ATL1: variants seen among roughly 807,000 people sequenced by gnomAD.
The protein encoded by ATL1 is atlastin-1.
Under a neutral mutation model 75.5 loss-of-function variants are expected in ATL1, and 31 were observed. The ratio of observed to expected loss-of-function variants is 0.41; its 90% CI spans 0.31 to 0.55. The LOEUF (loss-of-function observed/expected upper bound fraction) is 0.55, where lower values mean the gene tolerates loss of function less well. Among genes scored for constraint, ATL1 ranks in the 20% least tolerant of loss-of-function variants. The pLI is 0.27. For synonymous variants in ATL1, 226 were observed against 233.3 expected (o/e 0.97, Z 0.28); for missense variants, 405 against 662.6 (o/e 0.61, Z 4.27).
At chr14:50,542,541 C>T (rs530036164) in intron 1 of ATL1, 3 of 152,220 alleles carry the variant, frequency 2.0e-5, no homozygotes, top group African/African-American at 7.2e-5. Context: ...AGCAGAATTC[C>T]GTTGTCAAAT....
At chr14:50,627,954 A>T (rs1052060080) in intron 11 of ATL1, 77 bp from the exon 12 acceptor site, 1 of 1,402,216 alleles carries the variant, frequency 7.1e-7, no homozygotes, top group African/African-American at 1.4e-5. Context: ...AAACTCAACT[A>T]GCTAAGTGAA....
chr14:50,623,391 T>G, intron 11 of ATL1, 143 bp downstream of exon 11: 1 of 674,682 alleles, frequency 1.5e-6, no homozygotes, highest in East Asian at 2.8e-5. Context: ...TCACGTCTAT[T>G]TATTATATTC....
chr14:50,590,557 C>G (rs1034226588), intron 2 of ATL1, among the ~76,000 whole-genome samples: 1 of 152,142 alleles, frequency 6.6e-6, no homozygotes, highest in Non-Finnish European at 1.5e-5. Context: ...CTCAAACATC[C>G]TATGTGGTCT....
intron 10 of ATL1, 100 bp downstream of exon 10, chr14:50,621,999 A>C (rs1213975700): frequency 1.2e-6 from 1 of 841,844 alleles, no homozygotes; most frequent in African/African-American, 1.7e-5. Context: ...AGAATAATTT[A>C]TTGGAAGATT....
At chr14:50,565,006 G>C (rs1182917601) in intron 1 of ATL1, among the ~76,000 whole-genome samples, 2 of 151,932 alleles carry the variant, frequency 1.3e-5, no homozygotes, top group African/African-American at 2.4e-5. Flanking sequence ...CTTGGTCTTG[G>C]CTGGACACGG....
intron 1 of ATL1, among the ~76,000 whole-genome samples, chr14:50,553,687 A>C (rs986504765): frequency 8.5e-5 from 13 of 152,212 alleles, no homozygotes; most frequent in Non-Finnish European, 1.2e-4. Flanking sequence ...AATTACAAAG[A>C]TATGGAACCA....
chr14:50,612,094 AATAAT>A (rs1300998885), intron 6 of ATL1, among the ~76,000 whole-genome samples: 1 of 152,192 alleles, frequency 6.6e-6, no homozygotes, highest in Non-Finnish European at 1.5e-5. Context: ...ACAATTATGC[AATAAT>A]ATAATTAATC....
rs77458005 is a variant in ATL1 at position 50,602,484 on chromosome 14, A to G, written c.630+6852A>G. Among the ~76,000 whole-genome samples, 818 of 152,298 alleles carry G rather than the reference A, an allele frequency of 5.4e-3. 2 individuals carry two copies. Among genetic ancestry groups the G allele is most frequent in the Non-Finnish European group, 8.0e-3 (541 of 68,020 alleles). On this transcript the variant is annotated intron_variant, in intron 6 of 13. Transcript: ENST00000358385. ...TTCATGCCTTCTAATTATGTAGGCT[A>G]TGAAGAAATAGAAACATTCCCCATT...
chr14:50,630,651 C>G (rs1053786083), intron 13 of ATL1, among the ~76,000 whole-genome samples: 1 of 152,204 alleles, frequency 6.6e-6, no homozygotes, highest in Non-Finnish European at 1.5e-5. Flanking sequence ...GGAAGCAAAG[C>G]TGATCTTGAA....
chr14:50,565,513 C>G (rs76810329), intron 1 of ATL1, among the ~76,000 whole-genome samples: 1 of 151,346 alleles, frequency 6.6e-6, no homozygotes, highest in Admixed American at 6.6e-5. Context: ...CTGGGTCATA[C>G]ATGTACTGTA....
chr14:50,626,660 G>C (rs1425188284), intron 11 of ATL1, among the ~76,000 whole-genome samples: 1 of 152,174 alleles, frequency 6.6e-6, no homozygotes, highest in Non-Finnish European at 1.5e-5. Flanking sequence ...TATTTTTGGA[G>C]TACATATGAT....
At chr14:50,576,913 A>G (rs1451801361) in intron 1 of ATL1, among the ~76,000 whole-genome samples, 1 of 151,774 alleles carries the variant, frequency 6.6e-6, no homozygotes, top group Non-Finnish European at 1.5e-5. Flanking sequence ...TATTGTGTAT[A>G]TAATATATAG....
chr14:50,582,929 A>G (rs1309335048), intron 1 of ATL1, among the ~76,000 whole-genome samples: 2 of 152,218 alleles, frequency 1.3e-5, no homozygotes, highest in Non-Finnish European at 2.9e-5. Context: ...TATTTGCTAC[A>G]CTGATATGTT....
At chr14:50,596,312 A>G (rs1374194246) in intron 6 of ATL1, among the ~76,000 whole-genome samples, 1 of 152,176 alleles carries the variant, frequency 6.6e-6, no homozygotes, top group Non-Finnish European at 1.5e-5. Flanking sequence ...CTCTTAAAAA[A>G]AAAAAATTCT....
At chr14:50,600,438 G>A (rs1281518804) in intron 6 of ATL1, among the ~76,000 whole-genome samples, 5 of 152,068 alleles carry the variant, frequency 3.3e-5, no homozygotes, top group South Asian at 2.1e-4. Context: ...ATTGAAATGC[G>A]AAGCTCATTA....
chr14:50,614,201 G>A (rs996060447), intron 7 of ATL1, among the ~76,000 whole-genome samples, 172 bp from the exon 8 acceptor site: 2 of 152,102 alleles, frequency 1.3e-5, no homozygotes, highest in Non-Finnish European at 2.9e-5. Flanking sequence ...ACTTAGACAC[G>A]GCTCTGTGTG....
rs1207079359 is a variant in ATL1 at position 50,620,659 on chromosome 14, A to G, written c.923A>G (p.Glu308Gly). The G allele has an allele frequency of 1.2e-6, 2 of 1,613,788 alleles. No individual in the cohort carries two copies. The highest frequency in any genetic ancestry group is 2.2e-5 in the South Asian group (2 of 91,080). ...CTGATTCCTTGGCTACTTAGTCCCG[A>G]GAGCCTAGATATTAAAGAGATCAAT... is the stretch of plus-strand genomic sequence containing the variant. ...KILIPWLLSP[E>G]SLDIKEINGN... Residue 308 changes from glutamate to glycine, a missense_variant, in exon 9 of 14, where the codon GAG (glutamate) becomes GGG (glycine). Physicochemically the swap from Glu to Gly is moderately conservative, Grantham distance 98. This residue lies in a region of ATL1 where 56 missense variants were observed against 66.6 expected (regional missense o/e 0.84). Transcript: ENST00000358385.
chr14:50,588,018 A>G lies in ATL1; in HGVS notation c.222A>G (p.Gly74=). 6.2e-7 allele frequency: 1 copy of G among 1,614,170 alleles called. No individual in the cohort carries two copies. Among genetic ancestry groups the G allele is most frequent in the Non-Finnish European group, 8.5e-7 (1 of 1,180,024 alleles). ...AGGTTGTTGCTGTATCTGTTGCTGG[A>G]GCATTTAGAAAAGGAAAATCATTCC... The part of the protein sequence containing the change: ...DKEVVAVSVA[G]AFRKGKSFLM... Residue 74 remains glycine, a synonymous_variant, in exon 2 of 14, where the codon GGA becomes GGG. Coordinates refer to ENST00000358385, the MANE Select transcript of ATL1 (RefSeq NM_015915.5).
At chr14:50,629,964 C>G in intron 12 of ATL1, 31 bp from the exon 13 acceptor site, 1 of 1,554,240 alleles carries the variant, frequency 6.4e-7, no homozygotes, top group South Asian at 1.2e-5. Flanking sequence ...ATATACTTTT[C>G]TTTTTTCTTT....
Sources: allele counts gnomAD v4.1 joint callset (sites outside exome capture counted in the v4.1 genomes callset), GRCh38; gene constraint gnomAD v4.1.1; regional missense constraint gnomAD v4.1.1; transcripts MANE v1.5; gene names NCBI Gene and HGNC (gene_info 2026-07-23, HGNC 2026-07-21).